Variants in PMFBP1 observed in about 807,000 individuals in gnomAD.
The protein encoded by PMFBP1 is polyamine modulated factor 1 binding protein 1.
A neutral mutation model predicts 137.8 loss-of-function variants in PMFBP1; 131 were observed. The observed-to-expected ratio is 0.95, with a 90% CI of 0.82 to 1.10. The LOEUF is 1.10. Among genes scored for constraint, PMFBP1 ranks in the 50% least tolerant of loss-of-function variants. PMFBP1 has a pLI of 0.00. For synonymous variants in PMFBP1, 490 were observed against 450.4 expected, an observed-to-expected ratio of 1.09 and a Z score of -1.11; for missense variants, 1,199 against 1,175.4, an observed-to-expected ratio of 1.02 and a Z score of -0.29.
chr16:72,164,585 C>G, intron 3 of PMFBP1, 179 bp downstream of exon 3: 1 of 1,215,600 alleles, frequency 8.2e-7, no homozygotes, highest in Non-Finnish European at 1.2e-6. Flanking sequence ...GCAGGACTGG[C>G]ATTTTCCATG....
intron 3 of PMFBP1, among the ~76,000 whole-genome samples, chr16:72,154,946 G>C (rs1013304693): frequency 6.6e-6 from 1 of 152,176 alleles, no homozygotes; most frequent in African/African-American, 2.4e-5. Flanking sequence ...CAGAGATATT[G>C]TTCAGGTACA....
the PMFBP1 span, among the ~76,000 whole-genome samples, chr16:72,214,441 C>T: frequency 1.3e-5 from 2 of 152,180 alleles, no homozygotes; most frequent in Non-Finnish European, 2.9e-5. Context: ...TCCCAAAGTG[C>T]TGGGATTACA....
chr16:72,135,740 GTTTTTTTT>G (rs869189990), intron 9 of PMFBP1, among the ~76,000 whole-genome samples: 1 of 66,816 alleles, frequency 1.5e-5, no homozygotes, highest in Non-Finnish European at 2.6e-5. Flanking sequence ...TAATTTTTCT[GTTTTTTTT>G]TTTTTTTTTT....
the PMFBP1 span, among the ~76,000 whole-genome samples, chr16:72,245,640 C>T: frequency 1.3e-5 from 2 of 152,144 alleles, no homozygotes; most frequent in East Asian, 1.9e-4. Flanking sequence ...CCAGGTTCCC[C>T]GAGTTCATGG....
At chr16:72,141,609 A>G (rs986640246) in intron 5 of PMFBP1, among the ~76,000 whole-genome samples, 8 of 152,206 alleles carry the variant, frequency 5.3e-5, no homozygotes, top group Non-Finnish European at 8.8e-5. Flanking sequence ...AGATTTATCA[A>G]TGCTAGTACA....
chr16:72,128,779 T>C lies in PMFBP1; in HGVS notation c.1966A>G (p.Arg656Gly), dbSNP rs1361370789. 1.2e-6 allele frequency: 2 copies of C among 1,614,108 alleles called. No homozygotes were observed. The highest frequency in any genetic ancestry group is 1.7e-6 in the Non-Finnish European group (2 of 1,180,048). ...KKDKTLKENS[R>G]KLEEENENLR... ...TTCTCATTTTCTTCCTCCAACTTTC[T>C]GGAATTCTCTTTCAACTGTTCCCTC... Residue 656 changes from arginine to glycine, a missense_variant, in exon 14 of 21, where the codon AGA becomes GGA. Coordinates refer to ENST00000237353, the MANE Select transcript of PMFBP1 (RefSeq NM_031293.3).
the PMFBP1 span, among the ~76,000 whole-genome samples, chr16:72,217,615 G>C: frequency 3.9e-5 from 6 of 152,236 alleles, no homozygotes; most frequent in Non-Finnish European, 1.5e-5. Flanking sequence ...ACTTTGGGAA[G>C]CCAAGGCGGG....
the PMFBP1 span, among the ~76,000 whole-genome samples, chr16:72,198,929 T>G: frequency 6.6e-5 from 10 of 151,460 alleles, no homozygotes; most frequent in Admixed American, 6.6e-4. Context: ...TCAGAACCTC[T>G]CATATGGACA....
At chr16:72,135,679 A>G (rs1022631574) in intron 9 of PMFBP1, among the ~76,000 whole-genome samples, 3 of 150,792 alleles carry the variant, frequency 2.0e-5, no homozygotes, top group Non-Finnish European at 2.9e-5. Flanking sequence ...TTTAGGGCAC[A>G]GCTCCATTAA....
At chr16:72,137,321 T>A (rs1251116938) in intron 7 of PMFBP1, among the ~76,000 whole-genome samples, 1 of 152,024 alleles carries the variant, frequency 6.6e-6, no homozygotes, top group Non-Finnish European at 1.5e-5. Context: ...CACAGACAAA[T>A]CCTTGTCCCC....
chr16:72,170,315 C>T (rs2043202994), intron 2 of PMFBP1, among the ~76,000 whole-genome samples: 1 of 151,886 alleles, frequency 6.6e-6, no homozygotes. Context: ...AGAATCTGCT[C>T]ACCTCTTGGT....
chr16:72,164,265 G>C (rs1270963540), intron 3 of PMFBP1: 5 of 524,974 alleles, frequency 9.5e-6, no homozygotes, highest in Non-Finnish European at 1.6e-5. Flanking sequence ...TTGAGAACCT[G>C]AGCTTGTCCT....
intron 9 of PMFBP1, among the ~76,000 whole-genome samples, chr16:72,134,412 G>A (rs1414712968): frequency 1.3e-5 from 2 of 152,076 alleles, no homozygotes; most frequent in Admixed American, 1.3e-4. Context: ...TCAGACTCCT[G>A]GGCTCAAGTG....
chr16:72,120,832 T>C (rs2042367144), intron 19 of PMFBP1, among the ~76,000 whole-genome samples: 1 of 152,234 alleles, frequency 6.6e-6, no homozygotes, highest in Non-Finnish European at 1.5e-5. Flanking sequence ...AGGGGCAAGT[T>C]ACTTAGTTTC....
rs571898521 is a variant in PMFBP1, at chr16:72,139,444, G to A, written c.808-45C>T. ...AGTTATGCTGGATGATCAATGGAAC[G>A]TGCTTGTTACCATGACTATTATTTC... On this transcript the variant is annotated intron_variant, in intron 6 of 20. Transcript: ENST00000237353. 30 of 1,377,612 alleles carry A rather than the reference G, an allele frequency of 2.2e-5. 1 individual carries two copies. In the South Asian group the frequency reaches 3.2e-4, roughly 15 times the overall value. 85.3% of individuals were successfully genotyped at this position (1,377,612 alleles called of 1,614,324 possible).
the PMFBP1 span, among the ~76,000 whole-genome samples, chr16:72,230,026 G>A: frequency 1.3e-5 from 2 of 152,236 alleles, no homozygotes; most frequent in Non-Finnish European, 2.9e-5. Context: ...TAATTTCTCC[G>A]AACCTATTTT....
chr16:72,230,699 C>T, the PMFBP1 span, among the ~76,000 whole-genome samples: 1 of 152,188 alleles, frequency 6.6e-6, no homozygotes, highest in Non-Finnish European at 1.5e-5. Context: ...TAAGTAGTCA[C>T]CAAATCCTGA....
intron 4 of PMFBP1, among the ~76,000 whole-genome samples, chr16:72,151,723 A>G (rs568932183): frequency 1.3e-5 from 2 of 152,340 alleles, no homozygotes; most frequent in East Asian, 3.9e-4. Flanking sequence ...CGTAAGGGGA[A>G]GAAGAGAGGA....
At chr16:72,204,979 C>T in the PMFBP1 span, among the ~76,000 whole-genome samples, 22 of 152,218 alleles carry the variant, frequency 1.4e-4, no homozygotes, top group South Asian at 2.1e-3. Context: ...TTGGAGAGTG[C>T]GCCATCAAAT....
Sources: allele counts gnomAD v4.1 joint callset (sites outside exome capture counted in the v4.1 genomes callset), GRCh38; gene constraint gnomAD v4.1.1; transcripts MANE v1.5; gene names NCBI Gene and HGNC (gene_info 2026-07-23, HGNC 2026-07-21).